GRK5: variants seen among roughly 807,000 people sequenced by gnomAD.
GRK5 encodes g protein-coupled receptor kinase GRK5.
GRK5 carries 40 observed loss-of-function variants against 78.4 expected under a neutral mutation model. The ratio of observed to expected loss-of-function variants is 0.51; its 90% CI spans 0.40 to 0.66. GRK5 has a LOEUF of 0.66. Among genes scored for constraint, GRK5 ranks in the 30% least tolerant of loss-of-function variants. The pLI, the probability that GRK5 is intolerant of heterozygous loss-of-function variation, is 0.00. For synonymous variants in GRK5, 289 were observed against 296.8 expected, an observed-to-expected ratio of 0.97 and a Z score of 0.27; for missense variants, 598 against 759.9, an observed-to-expected ratio of 0.79 and a Z score of 2.50.
rs750601695 is a variant in GRK5, at chr10:119,436,718, G to A, written c.806G>A (p.Gly269Asp). 1.2e-6 allele frequency: 2 copies of A among 1,614,230 alleles called. No individual in the cohort carries two copies. The highest frequency in any genetic ancestry group is 1.1e-5 in the South Asian group (1 of 91,086). The change falls in exon 9 of 16, where the codon GGT becomes GAT. Residue 269 changes from glycine (G) to aspartate (D), a missense_variant. Transcript: ENST00000392870. ...LCLVLTIMNG[G>D]DLKFHIYNMG... is the part of the protein sequence containing the mutation. ...TTGGTCCTGACCATCATGAATGGGG[G>A]TGACCTGAAGTTCCACATCTACAAC...
chr10:119,433,120 C>A (rs1852852633), intron 8 of GRK5, among the ~76,000 whole-genome samples: 1 of 152,196 alleles, frequency 6.6e-6, no homozygotes, highest in South Asian at 2.1e-4. Flanking sequence ...GTGGCACTCC[C>A]AGAGGATGGA....
intron 4 of GRK5, among the ~76,000 whole-genome samples, chr10:119,401,480 G>A (rs1375278998): frequency 6.6e-6 from 1 of 152,190 alleles, no homozygotes; most frequent in African/African-American, 2.4e-5. Flanking sequence ...TGCTGAGAAG[G>A]ACGTGAGCTT....
intron 4 of GRK5, among the ~76,000 whole-genome samples, chr10:119,401,572 G>A (rs1287275272): frequency 6.6e-6 from 1 of 152,226 alleles, no homozygotes; most frequent in East Asian, 1.9e-4. Flanking sequence ...TAACCTCTCA[G>A]TGCCTCAGTT....
At chr10:119,277,196 G>A (rs1264124658) in intron 1 of GRK5, among the ~76,000 whole-genome samples, 1 of 152,076 alleles carries the variant, frequency 6.6e-6, no homozygotes, top group African/African-American at 2.4e-5. Context: ...CTTGTGTGTC[G>A]GGTGCCGACA....
At position 119,350,817 on chromosome 10, in the gene GRK5, T is replaced by C. The variant is rs181148493; in HGVS notation, c.148+24206T>C. On this transcript the variant is annotated intron_variant, in intron 2 of 15. Coordinates refer to ENST00000392870, the MANE Select transcript of GRK5 (RefSeq NM_005308.3). ...GACAGTCTACTTCCAGTGTGTAATG[T>C]TTGATAGAACATGCACGCAGCACAG... is the stretch of plus-strand genomic sequence containing the variant. Among the ~76,000 whole-genome samples, 19 of 152,304 alleles carry C rather than the reference T, an allele frequency of 1.2e-4. 1 individual carries two copies. The East Asian group carries it at 3.1e-3, about 25-fold the overall frequency.
At chr10:119,422,212 T>G (rs1476619054) in intron 4 of GRK5, among the ~76,000 whole-genome samples, 1 of 149,476 alleles carries the variant, frequency 6.7e-6, no homozygotes, top group South Asian at 2.1e-4. Flanking sequence ...AGGGGGTGGG[T>G]AAGGCCTGCC....
At chr10:119,454,134 A>G (rs1332618162) in intron 15 of GRK5, among the ~76,000 whole-genome samples, 3 of 152,204 alleles carry the variant, frequency 2.0e-5, no homozygotes, top group Non-Finnish European at 4.4e-5. Flanking sequence ...GATAATATAA[A>G]AATACAACGC....
chr10:119,263,636 A>G (rs532704567), intron 1 of GRK5, among the ~76,000 whole-genome samples: 198 of 152,222 alleles, frequency 1.3e-3, no homozygotes, highest in African/African-American at 4.6e-3. Context: ...ATTAAAACCT[A>G]GTTGAGGCCA....
intron 2 of GRK5, among the ~76,000 whole-genome samples, chr10:119,347,835 T>TG (rs1589757685): frequency 6.6e-6 from 1 of 152,202 alleles, no homozygotes; most frequent in Non-Finnish European, 1.5e-5. Flanking sequence ...GAGTCTTCCC[T>TG]GGGGGGCAGG....
At chr10:119,420,414 T>G (rs540610953) in intron 4 of GRK5, among the ~76,000 whole-genome samples, 89 of 151,860 alleles carry the variant, frequency 5.9e-4, no homozygotes, top group South Asian at 4.4e-3. Flanking sequence ...CAACCCATTT[T>G]GTACATCACC....
chr10:119,300,127 A>G (rs1409893438), intron 1 of GRK5, among the ~76,000 whole-genome samples: 1 of 152,072 alleles, frequency 6.6e-6, no homozygotes, highest in African/African-American at 2.4e-5. Context: ...GTTCTCCCTA[A>G]AGAAAAATGC....
At chr10:119,227,077 A>G (rs1848752278) in intron 1 of GRK5, among the ~76,000 whole-genome samples, 1 of 152,070 alleles carries the variant, frequency 6.6e-6, no homozygotes, top group African/African-American at 2.4e-5. Flanking sequence ...GCTGGTCTCT[A>G]ACTCCCAGTC....
rs1303163538 is a variant in GRK5 at position 119,448,219 on chromosome 10, C to T, written c.1363C>T (p.Arg455Cys). 4.4e-6 allele frequency: 7 copies of T among 1,597,776 alleles called. No individual in the cohort carries two copies. The highest frequency in any genetic ancestry group is 4.1e-5 in the African/African-American group (3 of 73,772). ...HPFFRNMNFK[R>C]LEAGMLDPPF... ...CTTCTTCAGGAACATGAACTTCAAGCGCTTAGAAGCCGGGATGTTGGACCC... is the reference window on the plus strand; with the variant it reads ...CTTCTTCAGGAACATGAACTTCAAGTGCTTAGAAGCCGGGATGTTGGACCC... Residue 455 changes from arginine to cysteine, a missense_variant, in exon 13 of 16, where the codon CGC (arginine) becomes TGC (cysteine). Transcript: ENST00000392870.
chr10:119,431,592 G>A lies in GRK5; in HGVS notation c.738+65G>A, dbSNP rs1022906437. The A allele has an allele frequency of 1.7e-5, 27 of 1,566,162 alleles. No individual in the cohort carries two copies. Among genetic ancestry groups the A allele is most frequent in the African/African-American group, 1.4e-4 (10 of 73,464 alleles). On this transcript the variant is annotated intron_variant, in intron 8 of 15. Coordinates refer to ENST00000392870, the MANE Select transcript of GRK5 (RefSeq NM_005308.3). This position sits in a 1 kb window ranked among gnomAD's most constrained non-coding sequence, Gnocchi z 4.8. ...TGTGGACTGGGGCTTCCCTCCCTCCGGAAGGGCGTGGTCCTCTAATGCGGC... is the reference window on the plus strand; with the variant it reads ...TGTGGACTGGGGCTTCCCTCCCTCCAGAAGGGCGTGGTCCTCTAATGCGGC...
chr10:119,390,784 C>T (rs1202478295), intron 3 of GRK5, among the ~76,000 whole-genome samples: 1 of 152,120 alleles, frequency 6.6e-6, no homozygotes, highest in Non-Finnish European at 1.5e-5. Flanking sequence ...CCTCATGATT[C>T]AATTACCTCC....
chr10:119,339,723 T>C (rs1388639468), intron 2 of GRK5, among the ~76,000 whole-genome samples: 1 of 152,072 alleles, frequency 6.6e-6, no homozygotes, highest in Non-Finnish European at 1.5e-5. Context: ...CGAAACCTAG[T>C]CTCTACTAAA....
At chr10:119,327,177 G>T (rs1478155779) in intron 2 of GRK5, among the ~76,000 whole-genome samples, 4 of 152,176 alleles carry the variant, frequency 2.6e-5, no homozygotes, top group Non-Finnish European at 4.4e-5. Flanking sequence ...GAGCCACTGG[G>T]CTCAGTGGCA....
At chr10:119,300,324 C>T (rs1236091319) in intron 1 of GRK5, among the ~76,000 whole-genome samples, 1 of 152,130 alleles carries the variant, frequency 6.6e-6, no homozygotes, top group African/African-American at 2.4e-5. Context: ...TGATGTGTTA[C>T]CTTCTAAAGG....
chr10:119,439,238 T>G (rs540606229), intron 9 of GRK5, among the ~76,000 whole-genome samples: 127 of 152,406 alleles, frequency 8.3e-4, no homozygotes, highest in African/African-American at 2.8e-3. Flanking sequence ...TCTCCCAGGC[T>G]GTAGCGTAGC....
Sources: gnomAD v4.1 joint callset for allele counts (sites outside exome capture counted in the v4.1 genomes callset) on GRCh38, gnomAD v4.1.1 for gene constraint, Gnocchi (gnomAD v3.1) non-coding constraint, MANE v1.5 for transcripts, NCBI Gene and HGNC (gene_info 2026-07-23, HGNC 2026-07-21) for gene names.